DENND1B: variants seen among roughly 807,000 people sequenced by gnomAD.
DENND1B encodes the protein DENN domain containing 1B, also known as DENN domain-containing protein 1B.
Under a neutral mutation model 90.1 loss-of-function variants are expected in DENND1B, and 59 were observed. That is an observed-to-expected ratio of 0.65 (90% CI 0.53 to 0.81). The LOEUF is 0.81. Among genes scored for constraint, DENND1B ranks in the 40% least tolerant of loss-of-function variants. The pLI is 0.00. For synonymous variants in DENND1B, 337 were observed against 324.6 expected, an observed-to-expected ratio of 1.04 and a Z score of -0.41; for missense variants, 862 against 912.6, an observed-to-expected ratio of 0.94 and a Z score of 0.71.
rs147219011 is a variant in DENND1B, at chr1:197,613,064, T to C, written c.774-1088A>G. Among the ~76,000 whole-genome samples the C allele has an allele frequency of 5.9e-3, 894 of 150,896 alleles. 13 individuals carry two copies. Among genetic ancestry groups the C allele is most frequent in the African/African-American group, 0.02 (836 of 41,388 alleles). On this transcript the variant is annotated intron_variant, in intron 11 of 22. Coordinates refer to ENST00000620048, the MANE Select transcript of DENND1B (RefSeq NM_001195215.2). The stretch of plus-strand genomic sequence containing the variant: ...ATCTTTGTGCTCTATTATGACACTC[T>C]TTTTCTGTTAATGCAAACAGATAAT...
chr1:197,612,669 CAA>C (rs1293420203), intron 11 of DENND1B, among the ~76,000 whole-genome samples: 1 of 150,534 alleles, frequency 6.6e-6, no homozygotes, highest in Non-Finnish European at 1.5e-5. Context: ...TAAAAATACT[CAA>C]GTGTGAGAAT....
At chr1:197,629,734 A>C (rs1679153638) in intron 10 of DENND1B, among the ~76,000 whole-genome samples, 1 of 151,940 alleles carries the variant, frequency 6.6e-6, no homozygotes, top group Non-Finnish European at 1.5e-5. Context: ...TGTTCTGTGA[A>C]AAACACTGTC....
At chr1:197,671,701 T>G (rs1287860903) in intron 5 of DENND1B, among the ~76,000 whole-genome samples, 1 of 152,078 alleles carries the variant, frequency 6.6e-6, no homozygotes, top group African/African-American at 2.4e-5. Context: ...TCTGGTTCAG[T>G]GACAGAAAAG....
chr1:197,552,233 C>CA (rs1260275695), intron 16 of DENND1B: 1 of 984,130 alleles, frequency 1.0e-6, no homozygotes, highest in East Asian at 1.1e-4. Context: ...TATACCAGGC[C>CA]AAAAATTAAC....
intron 2 of DENND1B, among the ~76,000 whole-genome samples, chr1:197,754,688 A>AAAAAAAT (rs1654047283): frequency 6.9e-6 from 1 of 145,382 alleles, no homozygotes; most frequent in Non-Finnish European, 1.5e-5. Flanking sequence ...AAAAAAAAAA[A>AAAAAAAT]CTGATACAGT....
Position 197,529,686 on chromosome 1 carries a change from TTTCTTA to T in DENND1B, c.1515+10272_1515+10277del, listed in dbSNP as rs957216851. 4.6e-5 allele frequency among the ~76,000 whole-genome samples: 7 copies of T among 152,148 alleles called. No homozygotes were observed. In the East Asian group the frequency reaches 9.6e-4, roughly 21 times the overall value. ...AACTTTTACATATTATTTAAAGAAA[TTTCTTA>T]TTCTTAGAAAAGAAAATGTTAGTAA... On this transcript the variant is annotated intron_variant, in intron 20 of 22. Coordinates refer to ENST00000620048, the MANE Select transcript of DENND1B (RefSeq NM_001195215.2).
chr1:197,559,711 G>A (rs753491812), intron 15 of DENND1B, among the ~76,000 whole-genome samples: 19 of 98,088 alleles, frequency 1.9e-4, no homozygotes, highest in South Asian at 4.4e-4. Flanking sequence ...ATAATGCTCC[G>A]GGCTAAAAAT....
At chr1:197,560,565 A>C (rs1672078939) in intron 15 of DENND1B, among the ~76,000 whole-genome samples, 1 of 151,850 alleles carries the variant, frequency 6.6e-6, no homozygotes, top group Non-Finnish European at 1.5e-5. Context: ...AGGAGGTTTA[A>C]TGGGAAAAGA....
intron 3 of DENND1B, among the ~76,000 whole-genome samples, chr1:197,713,917 G>GCATATAATATATACATATATTATATA (rs1660341105): frequency 2.6e-4 from 4 of 15,676 alleles, no homozygotes; most frequent in Admixed American, 4.4e-4. Flanking sequence ...TATATTATAT[G>GCATATAATATATACATATATTATATA]CATATAATAT....
At chr1:197,620,420 T>A (rs2125869002) in intron 10 of DENND1B, among the ~76,000 whole-genome samples, 1 of 151,424 alleles carries the variant, frequency 6.6e-6, no homozygotes, top group African/African-American at 2.4e-5. Flanking sequence ...AGTTTTCTGA[T>A]CTTTAAAATA....
At chr1:197,774,635 C>A (rs1007708904) in intron 1 of DENND1B, 1 of 152,598 alleles carries the variant, frequency 6.6e-6, no homozygotes, top group African/African-American at 2.4e-5. Context: ...TAAGCAGAAT[C>A]ATAAGAAAAC....
At chr1:197,663,514 T>G (rs1654626383) in intron 5 of DENND1B, among the ~76,000 whole-genome samples, 1 of 152,098 alleles carries the variant, frequency 6.6e-6, no homozygotes, top group African/African-American at 2.4e-5. Context: ...TAAGGGCATA[T>G]TTTGTTTGGT....
At chr1:197,586,246 G>A (rs1674681976) in intron 14 of DENND1B, among the ~76,000 whole-genome samples, 1 of 151,944 alleles carries the variant, frequency 6.6e-6, no homozygotes, top group African/African-American at 2.4e-5. Flanking sequence ...CTTCTATTAA[G>A]CCAGATATTA....
At chr1:197,724,572 TA>T (rs979052595) in intron 2 of DENND1B, among the ~76,000 whole-genome samples, 1 of 152,126 alleles carries the variant, frequency 6.6e-6, no homozygotes, top group Admixed American at 6.5e-5. Flanking sequence ...AGGTCTTGCC[TA>T]ACATAAATGG....
chr1:197,541,569 C>T (rs1440627315), intron 18 of DENND1B, among the ~76,000 whole-genome samples: 1 of 152,150 alleles, frequency 6.6e-6, no homozygotes, highest in African/African-American at 2.4e-5. Flanking sequence ...AACCTGGCCC[C>T]AGCATTTGAG....
chr1:197,511,832 T>G lies in DENND1B; in HGVS notation c.1711A>C (p.Ile571Leu). 1 of 1,611,422 alleles carries G rather than the reference T, an allele frequency of 6.2e-7. No homozygotes were observed. Among genetic ancestry groups the G allele is most frequent in the South Asian group, 1.1e-5 (1 of 90,910 alleles). ...YSGEMDLLGE[I>L]LDTLSTHSSD... The stretch of plus-strand genomic sequence containing the variant: ...CTGTGTGTGCTCAATGTATCAAGAA[T>G]CTCTCCTAGTAAGTCCATTTCACCT... Residue 571 changes from isoleucine to leucine, a missense_variant, in exon 22 of 23, where the codon ATT becomes CTT. Physicochemically the swap from Ile to Leu is conservative, Grantham distance 5. Coordinates refer to ENST00000620048, the MANE Select transcript of DENND1B (RefSeq NM_001195215.2).
At chr1:197,690,388 A>C (rs1396426379) in intron 3 of DENND1B, 1 of 173,400 alleles carries the variant, frequency 5.8e-6, no homozygotes, top group Non-Finnish European at 1.2e-5. Flanking sequence ...TGATTGAAGC[A>C]AGATTGATTG....
chr1:197,667,391 G>A lies in DENND1B; in HGVS notation c.296+4646C>T, dbSNP rs555622946. Among the ~76,000 whole-genome samples, 66 of 151,940 alleles carry A rather than the reference G, an allele frequency of 4.3e-4. 2 individuals are homozygous for A. The South Asian group carries it at 0.012, about 28-fold the overall frequency. On this transcript the variant is annotated intron_variant, in intron 5 of 22. Transcript: ENST00000620048. ...TTTAAATCCCAATTTTCAAGGACACGGAATGAAACTGTCCCATTCCCATTC... is the reference window on the plus strand; with the variant it reads ...TTTAAATCCCAATTTTCAAGGACACAGAATGAAACTGTCCCATTCCCATTC...
intron 3 of DENND1B, among the ~76,000 whole-genome samples, chr1:197,695,049 A>T (rs1329858608): frequency 2.6e-5 from 4 of 151,258 alleles, no homozygotes; most frequent in Non-Finnish European, 3.0e-5. Flanking sequence ...CCCTGTTTGC[A>T]TTAAAATTTT....
Sources: gnomAD v4.1 joint callset for allele counts (sites outside exome capture counted in the v4.1 genomes callset) on GRCh38, gnomAD v4.1.1 for gene constraint, MANE v1.5 for transcripts, NCBI Gene and HGNC (gene_info 2026-07-23, HGNC 2026-07-21) for gene names.